The following SEC61A1 variants were observed in gnomAD, a reference collection of about 807,000 sequenced individuals.
The protein encoded by SEC61A1 is SEC61 translocon subunit alpha 1.
Under a neutral mutation model 55.2 loss-of-function variants are expected in SEC61A1, and 15 were observed. That is an observed-to-expected ratio of 0.27 (90% CI 0.18 to 0.42). SEC61A1 has a LOEUF of 0.42. Ranked by LOEUF, SEC61A1 falls within the 10% of genes least tolerant of loss-of-function variation. The pLI is 1.00. For synonymous variants in SEC61A1, 247 were observed against 234.0 expected, an observed-to-expected ratio of 1.06 and a Z score of -0.51; for missense variants, 284 against 602.6, an observed-to-expected ratio of 0.47 and a Z score of 5.53.
chr3:128,066,803 G>A, intron 8 of SEC61A1, 151 bp from the exon 9 acceptor site: 1 of 674,506 alleles, frequency 1.5e-6, no homozygotes. Context: ...GGTAAGGAGT[G>A]GGCACAAGCT....
rs773479476 is a variant in SEC61A1, at chr3:128,060,619, G to A, written c.574G>A (p.Val192Ile). 22 of 1,614,020 alleles carry A rather than the reference G, an allele frequency of 1.4e-5. No homozygotes were observed. Among genetic ancestry groups the A allele is most frequent in the African/African-American group, 5.3e-5 (4 of 74,914 alleles). Residue 192 changes from valine to isoleucine, a missense_variant, in exon 7 of 12, where the codon GTA becomes ATA. Coordinates refer to ENST00000243253, the MANE Select transcript of SEC61A1 (RefSeq NM_013336.4). ...FIATNICETI[V>I]WKAFSPTTVN... ...TGCAACTAACATCTGTGAAACCATC[G>A]TATGGAAGGCATTCAGCCCCACTAC...
chr3:128,060,191 T>C lies in SEC61A1; in HGVS notation c.442T>C (p.Cys148Arg). Residue 148 changes from cysteine to arginine, a missense_variant, in exon 6 of 12, where the codon TGC becomes CGC. Cys to Arg is a radical substitution (Grantham distance 180, BLOSUM62 -3). Coordinates refer to ENST00000243253, the MANE Select transcript of SEC61A1 (RefSeq NM_013336.4). ...CCCTTCTGAAATGGGTGCTGGAATT[T>C]GCCTGCTAATCACCATTCAGGTAAT... ...GDPSEMGAGICLLITIQLFVA... is the reference protein window; with the variant it reads ...GDPSEMGAGIRLLITIQLFVA... 1 of 1,613,066 alleles carries C rather than the reference T, an allele frequency of 6.2e-7. No individual in the cohort carries two copies. Among genetic ancestry groups the C allele is most frequent in the South Asian group, 1.1e-5 (1 of 91,066 alleles).
chr3:128,070,240 C>T lies in SEC61A1; in HGVS notation c.*578C>T, dbSNP rs1308812996. 1.3e-5 allele frequency: 2 copies of T among 152,264 alleles called. No homozygotes were observed. The highest frequency in any genetic ancestry group is 1.9e-4 in the East Asian group (1 of 5,202). 9.4% of individuals were successfully genotyped at this position (152,264 alleles called of 1,614,324 possible). ...ATTTTTTTAAGGACAGAACTTCTTC[C>T]AAAAGAGAGGGATGGCTTTCCCAGA... On this transcript the variant is annotated 3_prime_UTR_variant, in exon 12 of 12. Transcript: ENST00000243253.
intron 3 of SEC61A1, 21 bp downstream of exon 3, chr3:128,055,602 C>A (rs760928501): frequency 5.0e-6 from 8 of 1,611,148 alleles, no homozygotes; most frequent in Non-Finnish European, 6.8e-6. Flanking sequence ...GCTTGTATTT[C>A]GTATTGGGGA....
At chr3:128,058,449 C>A (rs531280849) in intron 5 of SEC61A1, among the ~76,000 whole-genome samples, 1 of 152,098 alleles carries the variant, frequency 6.6e-6, no homozygotes, top group Non-Finnish European at 1.5e-5. Context: ...CTCCTGACTT[C>A]GTGATCCGCC....
At chr3:128,066,177 G>T (rs1424154534) in intron 8 of SEC61A1, among the ~76,000 whole-genome samples, 1 of 152,122 alleles carries the variant, frequency 6.6e-6, no homozygotes, top group Non-Finnish European at 1.5e-5. Context: ...TAGCTTTTCT[G>T]TTTATGATTA....
chr3:128,065,026 A>G lies in SEC61A1; in HGVS notation c.766A>G (p.Ile256Val). The change falls in exon 8 of 12, where the codon ATC becomes GTC. Residue 256 changes from isoleucine (I) to valine (V), a missense_variant. Physicochemically the swap from Ile to Val is conservative, Grantham distance 29. Transcript: ENST00000243253. ...CACCATCTTTGTCTTTGCAGTGGTC[A>G]TCTATTTCCAGGTGTGTCCAGATCC... ...IATIFVFAVVIYFQGFRVDLP... is the reference protein window; with the variant it reads ...IATIFVFAVVVYFQGFRVDLP... 1 of 1,614,256 alleles carries G rather than the reference A, an allele frequency of 6.2e-7. No homozygotes were observed. Among genetic ancestry groups the G allele is most frequent in the Non-Finnish European group, 8.5e-7 (1 of 1,180,048 alleles).
At chr3:128,055,025 G>C (rs1422751873) in intron 2 of SEC61A1, among the ~76,000 whole-genome samples, 2 of 152,174 alleles carry the variant, frequency 1.3e-5, no homozygotes, top group Non-Finnish European at 2.9e-5. Flanking sequence ...TTAATTCATA[G>C]AAAATACACT....
chr3:128,061,858 C>T (rs1388717977), intron 7 of SEC61A1, among the ~76,000 whole-genome samples: 1 of 152,128 alleles, frequency 6.6e-6, no homozygotes, highest in East Asian at 1.9e-4. Context: ...GAAGTAAAGT[C>T]AGAGGGGAGC....
chr3:128,065,215 T>G (rs752692766), intron 8 of SEC61A1, 178 bp downstream of exon 8: 37 of 733,388 alleles, frequency 5.0e-5, no homozygotes, highest in Admixed American at 1.0e-4. Context: ...CATTGAGTCA[T>G]GGGACCTGCC....
At chr3:128,057,536 G>C (rs891986438) in intron 5 of SEC61A1, among the ~76,000 whole-genome samples, 3 of 152,090 alleles carry the variant, frequency 2.0e-5, no homozygotes, top group Non-Finnish European at 4.4e-5. Context: ...CTGGCACATA[G>C]TAGTTATTTG....
intron 5 of SEC61A1, 21 bp from the exon 6 acceptor site, chr3:128,060,081 A>G: frequency 6.4e-7 from 1 of 1,570,458 alleles, no homozygotes; most frequent in Non-Finnish European, 8.8e-7. Flanking sequence ...CTTGGAAAAC[A>G]CTTCTTTCTT....
chr3:128,052,735 C>T (rs984927294), intron 1 of SEC61A1, 100 bp from the exon 2 acceptor site: 12 of 1,491,274 alleles, frequency 8.0e-6, no homozygotes, highest in South Asian at 6.9e-5. Flanking sequence ...GCTCCCCTGG[C>T]CCCTGCTCTC....
In SEC61A1 at chr3:128,053,207, G is replaced by C. The variant is rs768222740; in HGVS notation, c.75+305G>C. Among the ~76,000 whole-genome samples, 4 of 152,296 alleles carry C rather than the reference G, an allele frequency of 2.6e-5. No individual in the cohort carries two copies. In the South Asian group the frequency reaches 6.2e-4, roughly 24 times the overall value. On this transcript the variant is annotated intron_variant, in intron 2 of 11. Coordinates refer to ENST00000243253, the MANE Select transcript of SEC61A1 (RefSeq NM_013336.4). The stretch of plus-strand genomic sequence containing the variant: ...CCATGAATGAATAAGGCCTCAGTTA[G>C]GATAGCAGATTGAGTTACCCTCCCT...
At chr3:128,064,745 C>G (rs1941910808) in intron 7 of SEC61A1, 132 bp from the exon 8 acceptor site, 1 of 680,310 alleles carries the variant, frequency 1.5e-6, no homozygotes, top group African/African-American at 1.8e-5. Context: ...ATGCTGTATC[C>G]CTGTGGCTAT....
chr3:128,052,991 C>A, intron 2 of SEC61A1, 89 bp downstream of exon 2: 1 of 974,992 alleles, frequency 1.0e-6, no homozygotes. Context: ...GGCTTCAGCA[C>A]GGCAATGGAA....
intron 11 of SEC61A1, chr3:128,068,934 A>C (rs1043887832): frequency 1.3e-5 from 2 of 152,312 alleles, no homozygotes; most frequent in African/African-American, 4.8e-5. Flanking sequence ...CAACCACAGG[A>C]AAAGCCAGAA....
chr3:128,056,660 C>G (rs985974271), intron 4 of SEC61A1, 49 bp from the exon 5 acceptor site: 6 of 1,419,572 alleles, frequency 4.2e-6, no homozygotes, highest in Non-Finnish European at 5.6e-6. Flanking sequence ...AAATAACGTA[C>G]TACGTTTCCA....
Position 128,067,259 on chromosome 3 carries a change from G to A in SEC61A1, c.975+108G>A. ...TTCATCCAAAGATATTTTCCATTGT[G>A]CCTTTTACAAATTCAGCACATTAAA... On this transcript the variant is annotated intron_variant, in intron 9 of 11. Transcript: ENST00000243253. This position sits in a 1 kb window ranked among gnomAD's most constrained non-coding sequence, Gnocchi z 4.1. 2 of 1,338,962 alleles carry A rather than the reference G, an allele frequency of 1.5e-6. No individual in the cohort carries two copies. Among genetic ancestry groups the A allele is most frequent in the Non-Finnish European group, 2.1e-6 (2 of 955,080 alleles). The allele number at this position is 1,338,962 out of a possible 1,614,324, so 82.9% of individuals were successfully genotyped here. A position where few individuals can be genotyped will look rare whatever the true frequency, so the allele number is the denominator to read the frequency against.
Sources: allele counts gnomAD v4.1 joint callset (sites outside exome capture counted in the v4.1 genomes callset), GRCh38; gene constraint gnomAD v4.1.1; non-coding constraint Gnocchi (gnomAD v3.1); transcripts MANE v1.5; gene names NCBI Gene and HGNC (gene_info 2026-07-23, HGNC 2026-07-21).